Variants in SRRM4 observed in about 807,000 individuals in gnomAD.
SRRM4 encodes serine/arginine repetitive matrix 4.
Under a neutral mutation model 68.9 loss-of-function variants are expected in SRRM4, and 33 were observed. That is an observed-to-expected ratio of 0.48 (90% confidence interval 0.36 to 0.64). The LOEUF (loss-of-function observed/expected upper bound fraction) is 0.64. SRRM4 is among the 30% of genes least tolerant of loss of function. SRRM4 has a pLI of 0.00. For missense variants in SRRM4, 817 were observed against 827.1 expected, an observed-to-expected ratio of 0.99 and a Z score of 0.15; for synonymous variants, 318 against 318.8, an observed-to-expected ratio of 1.00 and a Z score of 0.03.
In SRRM4 at chr12:119,079,274, G is replaced by A. The variant is rs116509649; in HGVS notation, c.132-22962G>A. ...AGAAATGATGGGCTGAGACTGGATC[G>A]TGTCTGGCCTCCTGAGCCACAGTCG... On this transcript the variant is annotated intron_variant, in intron 1 of 12. Transcript: ENST00000267260. 8.8e-3 allele frequency among the ~76,000 whole-genome samples: 1,345 copies of A among 152,268 alleles called. 21 individuals carry two copies. The highest frequency in any genetic ancestry group is 0.031 in the African/African-American group (1,270 of 41,536).
intron 2 of SRRM4, among the ~76,000 whole-genome samples, chr12:119,110,858 G>A (rs571266853): frequency 2.0e-5 from 3 of 152,280 alleles, no homozygotes; most frequent in Admixed American, 6.5e-5. Flanking sequence ...AGATGAACCC[G>A]GTACCTTAGT....
At chr12:119,005,525 G>T (rs567475781) in intron 1 of SRRM4, among the ~76,000 whole-genome samples, 1 of 152,188 alleles carries the variant, frequency 6.6e-6, no homozygotes, top group Non-Finnish European at 1.5e-5. Flanking sequence ...GAAACCACTG[G>T]TGTGGTGGAG....
chr12:119,118,173 CT>C (rs1436967818), intron 4 of SRRM4, among the ~76,000 whole-genome samples: 1 of 152,226 alleles, frequency 6.6e-6, no homozygotes, highest in Admixed American at 6.5e-5. Context: ...GCTCTACCCA[CT>C]TACAAAGCCT....
At chr12:119,099,858 C>A (rs1954067716) in intron 1 of SRRM4, among the ~76,000 whole-genome samples, 1 of 152,126 alleles carries the variant, frequency 6.6e-6, no homozygotes, top group African/African-American at 2.4e-5. Context: ...GAATCATCAA[C>A]CCAAGAGAGG....
intron 1 of SRRM4, among the ~76,000 whole-genome samples, chr12:119,044,293 C>T (rs1327278073): frequency 1.3e-5 from 2 of 152,204 alleles, no homozygotes; most frequent in Non-Finnish European, 2.9e-5. Flanking sequence ...GTGACAGCGG[C>T]GGCCCCTAGG....
At position 119,156,674 on chromosome 12, in the gene SRRM4, G is replaced by A. The variant is rs940472347; in HGVS notation, c.1712G>A (p.Ser571Asn). The A allele has an allele frequency of 6.4e-7, 1 of 1,562,246 alleles. No individual in the cohort carries two copies. Among genetic ancestry groups the A allele is most frequent in the African/African-American group, 1.4e-5 (1 of 73,330 alleles). Residue 571 changes from serine (S) to asparagine (N), a missense_variant, in exon 13 of 13, where the codon AGC becomes AAC. Physicochemically the swap from Ser to Asn is conservative, Grantham distance 46 (BLOSUM62 1). Transcript: ENST00000267260. The part of the protein sequence containing the change: ...RSRTRTSSSS[S>N]SRSPSPGSRS... ...CGGACCCGCACGAGCAGCAGCTCTA[G>A]CTCCCGCAGCCCTAGTCCGGGCTCC...
At chr12:118,991,859 C>A (rs1021820205) in intron 1 of SRRM4, 1 of 152,136 alleles carries the variant, frequency 6.6e-6, no homozygotes, top group Non-Finnish European at 1.5e-5. Flanking sequence ...GAGGACAATA[C>A]AACCATAAGC....
intron 7 of SRRM4, 82 bp downstream of exon 7, chr12:119,125,561 A>G (rs891792421): frequency 4.9e-5 from 60 of 1,229,970 alleles, no homozygotes; most frequent in Admixed American, 2.3e-4. Context: ...CTTCGCCTCC[A>G]CACTTCCAGC....
intron 1 of SRRM4, among the ~76,000 whole-genome samples, chr12:118,995,325 G>A (rs1309996010): frequency 6.6e-6 from 1 of 152,168 alleles, no homozygotes; most frequent in African/African-American, 2.4e-5. Context: ...ATCCTGTGCT[G>A]CTAACTCTCA....
At chr12:119,083,173 C>A (rs1317999609) in intron 1 of SRRM4, among the ~76,000 whole-genome samples, 1 of 152,020 alleles carries the variant, frequency 6.6e-6, no homozygotes, top group Non-Finnish European at 1.5e-5. Context: ...AGTGTTGTCA[C>A]TGACCTGCCC....
In SRRM4 at chr12:119,056,098, C is replaced by T. The variant is rs187495416; in HGVS notation, c.132-46138C>T. Among the ~76,000 whole-genome samples the T allele has an allele frequency of 8.1e-4, 124 of 152,312 alleles. 1 individual carries two copies. The highest frequency in any genetic ancestry group is 2.6e-3 in the African/African-American group (110 of 41,560). The stretch of plus-strand genomic sequence containing the variant: ...ATGTCTTGAAATAACTCTGCTCTTC[C>T]GGCCAGCCCCCCTCTCAGCCTCCCT... On this transcript the variant is annotated intron_variant, in intron 1 of 12. Transcript: ENST00000267260.
At chr12:119,014,519 A>T (rs1418432327) in intron 1 of SRRM4, among the ~76,000 whole-genome samples, 1 of 152,216 alleles carries the variant, frequency 6.6e-6, no homozygotes, top group Non-Finnish European at 1.5e-5. Flanking sequence ...TAGAGGAAAG[A>T]AAAACTGTCT....
At position 119,089,375 on chromosome 12, in the gene SRRM4, C is replaced by T. The variant is rs77164131; in HGVS notation, c.132-12861C>T. 7.4e-3 allele frequency among the ~76,000 whole-genome samples: 1,125 copies of T among 152,158 alleles called. 13 individuals are homozygous for T. The highest frequency in any genetic ancestry group is 0.025 in the African/African-American group (1,049 of 41,502). ...GACTTTTAAAAGGCAGATAAAAGTC[C>T]CAACGGAAGGACAGACATTTCCTAT... On this transcript the variant is annotated intron_variant, in intron 1 of 12. Coordinates refer to ENST00000267260, the MANE Select transcript of SRRM4 (RefSeq NM_194286.4).
At chr12:119,033,989 A>G (rs1953610335) in intron 1 of SRRM4, among the ~76,000 whole-genome samples, 1 of 152,190 alleles carries the variant, frequency 6.6e-6, no homozygotes, top group Non-Finnish European at 1.5e-5. Flanking sequence ...CAACTCTAAC[A>G]TTAGTTTGTT....
intron 1 of SRRM4, among the ~76,000 whole-genome samples, chr12:119,016,327 G>A (rs892432193): frequency 3.3e-5 from 5 of 151,884 alleles, no homozygotes; most frequent in African/African-American, 9.7e-5. Context: ...CCTAGGAAAT[G>A]AACACAATCC....
At chr12:119,072,416 T>C (rs1370747845) in intron 1 of SRRM4, among the ~76,000 whole-genome samples, 1 of 152,124 alleles carries the variant, frequency 6.6e-6, no homozygotes, top group Non-Finnish European at 1.5e-5. Context: ...AGTCCTGATC[T>C]CTCATTTGAG....
chr12:119,025,056 G>A (rs1469016765), intron 1 of SRRM4, among the ~76,000 whole-genome samples: 1 of 152,134 alleles, frequency 6.6e-6, no homozygotes, highest in African/African-American at 2.4e-5. Context: ...CTTTGATGGA[G>A]GTTGGAAGAG....
chr12:119,005,732 G>T (rs930505189), intron 1 of SRRM4, among the ~76,000 whole-genome samples: 1 of 152,122 alleles, frequency 6.6e-6, no homozygotes, highest in African/African-American at 2.4e-5. Flanking sequence ...CAGAGTAATC[G>T]ATCAATACCT....
chr12:119,136,811 T>C (rs890567087), intron 8 of SRRM4, among the ~76,000 whole-genome samples: 2 of 152,134 alleles, frequency 1.3e-5, no homozygotes, highest in African/African-American at 2.4e-5. Context: ...CCTGAAGCTG[T>C]CATTCCCTCT....
Sources: allele counts gnomAD v4.1 joint callset (sites outside exome capture counted in the v4.1 genomes callset), GRCh38; gene constraint gnomAD v4.1.1; transcripts MANE v1.5; gene names NCBI Gene and HGNC (gene_info 2026-07-23, HGNC 2026-07-21).